The following ANHX variants were observed in gnomAD, a reference collection of about 807,000 sequenced individuals.
ANHX encodes anomalous homeobox protein.
In ANHX, 20 loss-of-function variants were observed where a neutral mutation model predicts 38.9. The observed-to-expected ratio is 0.51, with a 90% confidence interval of 0.36 to 0.75. The LOEUF (loss-of-function observed/expected upper bound fraction) is 0.75. Among genes scored for constraint, ANHX ranks in the 30% least tolerant of loss-of-function variants. ANHX has a pLI of 0.00. For synonymous variants in ANHX, 185 were observed against 203.1 expected, an observed-to-expected ratio of 0.91 and a Z score of 0.76; for missense variants, 475 against 493.1, an observed-to-expected ratio of 0.96 and a Z score of 0.35.
At position 133,231,588 on chromosome 12, in the gene ANHX, G is replaced by A. The variant is rs1477998998; in HGVS notation, c.306C>T (p.His102=). Residue 102 remains histidine, a synonymous_variant, in exon 3 of 10, where the codon CAC becomes CAT. Transcript: ENST00000545940. ...CCAGCCTCCTCATGACCAGACGGTA[G>A]TGGATGTCGTTCCAGAGCTGCACTA... The part of the protein sequence containing the change: ...QELVQLWNDI[H]YRLVMRRLGV... The A allele has an allele frequency of 4.4e-5, 67 of 1,536,022 alleles. No individual in the cohort carries two copies. The highest frequency in any genetic ancestry group is 5.7e-5 in the Non-Finnish European group (65 of 1,146,928).
intron 4 of ANHX, 86 bp from the exon 5 acceptor site, chr12:133,227,238 C>T (rs1386367557): frequency 1.4e-6 from 2 of 1,396,368 alleles, no homozygotes; most frequent in African/African-American, 1.4e-5. Flanking sequence ...AGCTCATTTA[C>T]ACCAAGAAAG....
intron 7 of ANHX, among the ~76,000 whole-genome samples, chr12:133,224,968 A>C (rs998749100): frequency 7.3e-5 from 11 of 150,960 alleles, no homozygotes; most frequent in African/African-American, 2.7e-4. Context: ...GTCTCAAAAA[A>C]AAAAAAAAAC....
rs528090688 is a variant in ANHX at position 133,221,490 on chromosome 12, G to A, written c.1133-138C>T. ...CCCGCGCCACGTGAACCAGACTCAC[G>A]GTCCCTGGGCCTCAGTCTCCCTCTC... On this transcript the variant is annotated intron_variant, in intron 7 of 9. Coordinates refer to ENST00000545940, the MANE Select transcript of ANHX (RefSeq NM_001372060.1). This position sits in a 1 kb window ranked among gnomAD's most constrained non-coding sequence, Gnocchi z 4.1. Among the ~76,000 whole-genome samples the A allele has an allele frequency of 5.9e-5, 9 of 152,306 alleles. No homozygotes were observed. The highest frequency in any genetic ancestry group is 1.3e-4 in the Admixed American group (2 of 15,298).
In ANHX at chr12:133,231,578, C is replaced by T; in HGVS notation, c.316G>A (p.Val106Ile). The change falls in exon 3 of 10, where the codon GTC (valine) becomes ATC (isoleucine). Residue 106 changes from valine (V) to isoleucine (I), a missense_variant. Transcript: ENST00000545940. ...GCAGCCACGCCCAGCCTCCTCATGA[C>T]CAGACGGTAGTGGATGTCGTTCCAG... ...QLWNDIHYRLVMRRLGVAALT... is the reference protein window; with the variant it reads ...QLWNDIHYRLIMRRLGVAALT... The T allele has an allele frequency of 5.2e-6, 8 of 1,536,138 alleles. No homozygotes were observed. Among genetic ancestry groups the T allele is most frequent in the African/African-American group, 1.4e-5 (1 of 73,172 alleles).
In ANHX at chr12:133,221,730, T is replaced by C. The variant is rs532108315; in HGVS notation, c.1133-378A>G. On this transcript the variant is annotated intron_variant, in intron 7 of 9. Coordinates refer to ENST00000545940, the MANE Select transcript of ANHX (RefSeq NM_001372060.1). This position sits in a 1 kb window ranked among gnomAD's most constrained non-coding sequence, Gnocchi z 4.1. ...CTCTTGTGGCTGGTTCACGGAGTGCTTGGCCACCAGCCCTTGGTGGTTTCC... is the reference window on the plus strand; with the variant it reads ...CTCTTGTGGCTGGTTCACGGAGTGCCTGGCCACCAGCCCTTGGTGGTTTCC... 1.3e-5 allele frequency among the ~76,000 whole-genome samples: 2 copies of C among 152,316 alleles called. No individual in the cohort carries two copies. The highest frequency in any genetic ancestry group is 2.1e-4 in the South Asian group (1 of 4,828).
chr12:133,227,369 G>T (rs1445709419), intron 4 of ANHX, among the ~76,000 whole-genome samples: 1 of 152,222 alleles, frequency 6.6e-6, no homozygotes, highest in Non-Finnish European at 1.5e-5. Context: ...CCCAGGTCAG[G>T]CTGTCTGCAC....
Position 133,227,016 on chromosome 12 carries a change from C to T in ANHX, c.638G>A (p.Arg213Lys), listed in dbSNP as rs777636956. The T allele has an allele frequency of 1.2e-4, 185 of 1,535,758 alleles. No individual in the cohort carries two copies. Among genetic ancestry groups the T allele is most frequent in the Non-Finnish European group, 1.5e-4 (171 of 1,146,740 alleles). The stretch of plus-strand genomic sequence containing the variant: ...CTGCAGGAGGTCAGGACCCCTCTCC[C>T]TCGCACCAGGGTCTTCAGCTGTGGC... Reference protein sequence around the residue: ...QQATAEDPGARERGPDLLQPS... With the variant: ...QQATAEDPGAKERGPDLLQPS... The change falls in exon 5 of 10, where the codon AGG (arginine) becomes AAG (lysine). Residue 213 changes from arginine (R) to lysine (K), a missense_variant. Physicochemically the swap from Arg to Lys is conservative, Grantham distance 26. Coordinates refer to ENST00000545940, the MANE Select transcript of ANHX (RefSeq NM_001372060.1).
chr12:133,226,959 A>G lies in ANHX; in HGVS notation c.695T>C (p.Phe232Ser). 1.3e-6 allele frequency: 2 copies of G among 1,531,046 alleles called. No individual in the cohort carries two copies. Among genetic ancestry groups the G allele is most frequent in the Non-Finnish European group, 1.7e-6 (2 of 1,143,834 alleles). 94.8% of individuals were successfully genotyped at this position (1,531,046 alleles called of 1,614,324 possible). A position where few individuals can be genotyped will look rare whatever the true frequency, so the allele number is the denominator to read the frequency against. Residue 232 changes from phenylalanine (F) to serine (S), a missense_variant, in exon 5 of 10, where the codon TTT (phenylalanine) becomes TCT (serine). By Grantham distance (155) the Phe-to-Ser change is radical. Coordinates refer to ENST00000545940, the MANE Select transcript of ANHX (RefSeq NM_001372060.1). ...ACCTGACCACTGAGGCCTGTCCACA[A>G]ACCCAGAGTCAACACGGGGGTTGCC... is the stretch of plus-strand genomic sequence containing the variant. ...PSGNPRVDSG[F>S]VDRPQWSEER... is the part of the protein sequence containing the mutation.
At chr12:133,226,241 C>G (rs1268490560) in intron 6 of ANHX, 77 bp downstream of exon 6, 1 of 1,533,712 alleles carries the variant, frequency 6.5e-7, no homozygotes, top group Admixed American at 2.0e-5. Flanking sequence ...AGGCCTACTT[C>G]ATGCCCTAGT....
In ANHX at chr12:133,218,531, C is replaced by T. The variant is rs1957065739; in HGVS notation, c.*354G>A. ...CTTGGTGGAAAAGTCTGGCTGTGTG[C>T]ACGGGCAGACGGCAAGGCAGCCAGC... is the stretch of plus-strand genomic sequence containing the variant. On this transcript the variant is annotated 3_prime_UTR_variant, in exon 10 of 10. Transcript: ENST00000545940. The T allele has an allele frequency of 1.1e-5, 2 of 177,414 alleles. No homozygotes were observed. The highest frequency in any genetic ancestry group is 1.8e-4 in the South Asian group (1 of 5,620). 11.0% of individuals were successfully genotyped at this position (177,414 alleles called of 1,614,324 possible).
chr12:133,223,231 C>G (rs533920515), intron 7 of ANHX, among the ~76,000 whole-genome samples: 1 of 151,422 alleles, frequency 6.6e-6, no homozygotes, highest in Non-Finnish European at 1.5e-5. Context: ...AGCAAAAAAT[C>G]AGAAGACAGA....
At chr12:133,229,513 C>T (rs965879529) in intron 3 of ANHX, among the ~76,000 whole-genome samples, 1 of 152,104 alleles carries the variant, frequency 6.6e-6, no homozygotes, top group Non-Finnish European at 1.5e-5. Context: ...TACTTTAGCC[C>T]TCTCTTTACC....
intron 7 of ANHX, among the ~76,000 whole-genome samples, chr12:133,225,037 C>G (rs538789505): frequency 9.9e-5 from 15 of 151,528 alleles, no homozygotes; most frequent in African/African-American, 3.6e-4. Flanking sequence ...TTCCTCCTTA[C>G]AAAGTGAGAA....
At chr12:133,226,233 G>A (rs1490854707) in intron 6 of ANHX, 85 bp downstream of exon 6, 5 of 1,530,892 alleles carry the variant, frequency 3.3e-6, no homozygotes, top group African/African-American at 1.4e-5. Flanking sequence ...TCACCCTTAG[G>A]CCTACTTCAT....
chr12:133,233,874 G>A (rs901453253), intron 2 of ANHX, among the ~76,000 whole-genome samples: 1 of 152,206 alleles, frequency 6.6e-6, no homozygotes, highest in African/African-American at 2.4e-5. Flanking sequence ...ATAGGGATTT[G>A]CCAAATGAGT....
intron 7 of ANHX, among the ~76,000 whole-genome samples, chr12:133,224,527 G>A (rs1291733557): frequency 6.6e-6 from 1 of 151,868 alleles, no homozygotes; most frequent in Non-Finnish European, 1.5e-5. Context: ...GCCGGGCGTG[G>A]TGGCAGGTGC....
chr12:133,229,812 C>T (rs1343723529), intron 3 of ANHX, among the ~76,000 whole-genome samples: 1 of 152,210 alleles, frequency 6.6e-6, no homozygotes, highest in Admixed American at 6.5e-5. Flanking sequence ...GCCTCTAAGG[C>T]AGGGTGAGCG....
chr12:133,226,239 T>G, intron 6 of ANHX, 79 bp downstream of exon 6: 2 of 1,534,000 alleles, frequency 1.3e-6, no homozygotes, highest in Non-Finnish European at 1.7e-6. Context: ...TTAGGCCTAC[T>G]TCATGCCCTA....
In ANHX at chr12:133,218,789, T is replaced by C. The variant is rs1055123834; in HGVS notation, c.*96A>G. ...CAGGGGAACTCTGGGGACCTTCATT[T>C]TGTATTCAGGATAAAGCTCTGTAAC... On this transcript the variant is annotated 3_prime_UTR_variant, in exon 10 of 10. Transcript: ENST00000545940. 6.6e-6 allele frequency: 6 copies of C among 904,968 alleles called. No individual in the cohort carries two copies. The African/African-American group carries it at 1.0e-4, about 15-fold the overall frequency. The allele number at this position is 904,968 out of a possible 1,614,324, so 56.1% of individuals were successfully genotyped here.
Sources: allele counts gnomAD v4.1 joint callset (sites outside exome capture counted in the v4.1 genomes callset), GRCh38; gene constraint gnomAD v4.1.1; non-coding constraint Gnocchi (gnomAD v3.1); transcripts MANE v1.5; gene names NCBI Gene and HGNC (gene_info 2026-07-23, HGNC 2026-07-21).